The following LMBR1 variants were observed in gnomAD, a reference collection of about 807,000 sequenced individuals.
LMBR1 encodes limb region 1 protein homolog.
A neutral mutation model predicts 73.9 loss-of-function variants in LMBR1; 52 were observed. That is an observed-to-expected ratio of 0.70 (90% CI 0.56 to 0.89). The LOEUF (loss-of-function observed/expected upper bound fraction) is 0.89. Among genes scored for constraint, LMBR1 ranks in the 40% least tolerant of loss-of-function variants. LMBR1 has a pLI of 0.00. For missense variants in LMBR1, 539 were observed against 579.8 expected, an observed-to-expected ratio of 0.93 and a Z score of 0.72; for synonymous variants, 215 against 209.4, an observed-to-expected ratio of 1.03 and a Z score of -0.23.
At chr7:156,861,242 G>A (rs370179263) in intron 1 of LMBR1, among the ~76,000 whole-genome samples, 59 of 152,290 alleles carry the variant, frequency 3.9e-4, no homozygotes, top group African/African-American at 1.3e-3. Context: ...CTGTGCACCC[G>A]CAGGCTAAAC....
chr7:156,852,544 A>G (rs1449089022), intron 1 of LMBR1, among the ~76,000 whole-genome samples: 6 of 152,190 alleles, frequency 3.9e-5, no homozygotes, highest in South Asian at 2.1e-4. Context: ...TTAGAGATCT[A>G]TCTATGATTC....
At chr7:156,738,294 C>T (rs768152999) in intron 9 of LMBR1, among the ~76,000 whole-genome samples, 4 of 152,134 alleles carry the variant, frequency 2.6e-5, no homozygotes, top group Non-Finnish European at 4.4e-5. Context: ...GTGGACCAGC[C>T]CTAGCCAGAA....
rs1205433273 is a variant in LMBR1 at position 156,879,595 on chromosome 7, T to C, written c.66+13333A>G. 3.6e-5 allele frequency among the ~76,000 whole-genome samples: 5 copies of C among 137,648 alleles called. No homozygotes were observed. In the East Asian group the frequency reaches 6.3e-4, roughly 17 times the overall value. The allele number at this position is 137,648 out of a possible 152,430, so 90.3% of individuals were successfully genotyped here. On this transcript the variant is annotated intron_variant, in intron 1 of 16. Transcript: ENST00000353442. Reference sequence around the variant, plus strand: ...AGGAGAATGGCGTGAACCCGAGAGGTGGAGCTTGCAGTGAGCCAAGATCGC... The same window carrying C: ...AGGAGAATGGCGTGAACCCGAGAGGCGGAGCTTGCAGTGAGCCAAGATCGC...
At position 156,682,518 on chromosome 7, in the gene LMBR1, A is replaced by T. The variant is rs1307260930; in HGVS notation, c.*1560T>A. On this transcript the variant is annotated 3_prime_UTR_variant, in exon 17 of 17. Coordinates refer to ENST00000353442, the MANE Select transcript of LMBR1 (RefSeq NM_022458.4). Reference sequence around the variant, plus strand: ...AGTACTATACTGGTGGTATTTACTGAAGCTTGTTTAGAATCACAAAATGAA... The same window carrying T: ...AGTACTATACTGGTGGTATTTACTGTAGCTTGTTTAGAATCACAAAATGAA... The T allele has an allele frequency of 6.6e-6, 1 of 152,210 alleles. No homozygotes were observed. Among genetic ancestry groups the T allele is most frequent in the Non-Finnish European group, 1.5e-5 (1 of 68,038 alleles). 9.4% of individuals were successfully genotyped at this position (152,210 alleles called of 1,614,324 possible). A position where few individuals can be genotyped will look rare whatever the true frequency, so the allele number is the denominator to read the frequency against.
At chr7:156,789,600 GACCCACT>G (rs1281330251) in intron 5 of LMBR1, among the ~76,000 whole-genome samples, 1 of 152,224 alleles carries the variant, frequency 6.6e-6, no homozygotes, top group East Asian at 1.9e-4. Context: ...TCAACATTGT[GACCCACT>G]GAATAAATGA....
At chr7:156,697,543 G>A (rs902248427) in intron 15 of LMBR1, among the ~76,000 whole-genome samples, 3 of 151,980 alleles carry the variant, frequency 2.0e-5, no homozygotes, top group Non-Finnish European at 4.4e-5. Context: ...CCTCCCCCCA[G>A]GAATGCATTC....
At chr7:156,761,400 T>C (rs903566297) in intron 8 of LMBR1, among the ~76,000 whole-genome samples, 1 of 152,178 alleles carries the variant, frequency 6.6e-6, no homozygotes, top group Admixed American at 6.5e-5. Context: ...GTTTCTAAGA[T>C]GAAAGGTAAA....
intron 5 of LMBR1, among the ~76,000 whole-genome samples, chr7:156,783,601 T>A (rs1298343152): frequency 1.3e-5 from 2 of 152,274 alleles, no homozygotes; most frequent in Non-Finnish European, 2.9e-5. Context: ...TTTCAGTTTG[T>A]TGCTGGTATT....
chr7:156,821,406 T>C (rs922199532), intron 4 of LMBR1, among the ~76,000 whole-genome samples: 3 of 152,232 alleles, frequency 2.0e-5, no homozygotes, highest in African/African-American at 7.2e-5. Flanking sequence ...GCAGCACTAC[T>C]GCCCCTTTCT....
At chr7:156,738,944 G>A (rs1818392582) in intron 9 of LMBR1, among the ~76,000 whole-genome samples, 1 of 152,166 alleles carries the variant, frequency 6.6e-6, no homozygotes, top group Non-Finnish European at 1.5e-5. Context: ...GAGAAAAGCA[G>A]AAGGAAAAGT....
intron 9 of LMBR1, among the ~76,000 whole-genome samples, chr7:156,745,414 G>A (rs1201553398): frequency 6.6e-6 from 1 of 152,044 alleles, no homozygotes; most frequent in African/African-American, 2.4e-5. Context: ...TCTCTAATCA[G>A]GTCAGACACT....
At position 156,893,163 on chromosome 7, in the gene LMBR1, C is replaced by G; in HGVS notation, c.-170G>C. The G allele has an allele frequency of 1.9e-6, 1 of 527,270 alleles. No homozygotes were observed. The highest frequency in any genetic ancestry group is 4.8e-5 in the South Asian group (1 of 20,756). 32.7% of individuals were successfully genotyped at this position (527,270 alleles called of 1,614,324 possible). A position where few individuals can be genotyped will look rare whatever the true frequency, so the allele number is the denominator to read the frequency against. ...CGACACCGGCCGTCGCCTCAGCAGC[C>G]TCAGACGAGCAGCTCTGACTAAGGG... On this transcript the variant is annotated 5_prime_UTR_variant, in exon 1 of 17. Transcript: ENST00000353442.
At chr7:156,736,595 T>A (rs1286007573) in intron 9 of LMBR1, 3 of 456,994 alleles carry the variant, frequency 6.6e-6, no homozygotes. Context: ...ACTTCTGGAT[T>A]TCCCGCACAA....
At chr7:156,793,612 C>A (rs1829605236) in intron 5 of LMBR1, among the ~76,000 whole-genome samples, 2 of 152,112 alleles carry the variant, frequency 1.3e-5, no homozygotes, top group South Asian at 4.1e-4. Context: ...GTACTGTATT[C>A]AGTTGCTTGC....
At chr7:156,848,661 G>A (rs1010556671) in intron 1 of LMBR1, among the ~76,000 whole-genome samples, 1 of 152,152 alleles carries the variant, frequency 6.6e-6, no homozygotes, top group African/African-American at 2.4e-5. Context: ...GCTGGGCATG[G>A]TGACTCACCC....
intron 4 of LMBR1, among the ~76,000 whole-genome samples, chr7:156,809,079 C>T (rs1335504369): frequency 6.6e-6 from 1 of 152,164 alleles, no homozygotes; most frequent in Non-Finnish European, 1.5e-5. Context: ...TACATATAAA[C>T]TGCTGCTTCT....
chr7:156,822,754 G>T (rs1403851058), intron 4 of LMBR1: 5 of 152,054 alleles, frequency 3.3e-5, no homozygotes, highest in Admixed American at 2.0e-4. Context: ...CAAACAAAGA[G>T]ATCATAAATT....
intron 1 of LMBR1, among the ~76,000 whole-genome samples, chr7:156,840,741 C>T (rs377689370): frequency 6.6e-6 from 1 of 151,140 alleles, no homozygotes; most frequent in African/African-American, 2.4e-5. Flanking sequence ...GGGTGGATCA[C>T]GAGGTCAGGA....
At chr7:156,835,807 C>T (rs1451585027) in intron 2 of LMBR1, among the ~76,000 whole-genome samples, 1 of 152,152 alleles carries the variant, frequency 6.6e-6, no homozygotes, top group Non-Finnish European at 1.5e-5. Flanking sequence ...TCATCACTCT[C>T]CCACCACTCC....
Sources: gnomAD v4.1 joint callset for allele counts (sites outside exome capture counted in the v4.1 genomes callset) on GRCh38, gnomAD v4.1.1 for gene constraint, MANE v1.5 for transcripts, NCBI Gene and HGNC (gene_info 2026-07-23, HGNC 2026-07-21) for gene names.